The following GRIK4 variants were observed in gnomAD, a reference collection of about 807,000 sequenced individuals.
GRIK4 encodes glutamate receptor ionotropic, kainate 4.
A neutral mutation model predicts 104.9 loss-of-function variants in GRIK4; 40 were observed. That is an observed-to-expected ratio of 0.38 (90% CI 0.30 to 0.50). The LOEUF (loss-of-function observed/expected upper bound fraction) is 0.50. GRIK4 is among the 20% of genes least tolerant of loss of function. GRIK4 has a pLI of 0.93. For missense variants in GRIK4, 1,047 were observed against 1,308.1 expected, an observed-to-expected ratio of 0.80 and a Z score of 3.08; for synonymous variants, 485 against 524.9, an observed-to-expected ratio of 0.92 and a Z score of 1.04.
intron 1 of GRIK4, among the ~76,000 whole-genome samples, chr11:120,566,698 T>G (rs558289976): frequency 6.7e-6 from 1 of 149,626 alleles, no homozygotes; most frequent in African/African-American, 2.4e-5. Context: ...TTCTTGTTTA[T>G]ACCCTCAGTT....
chr11:120,769,834 G>A (rs965803681), intron 3 of GRIK4, among the ~76,000 whole-genome samples: 1 of 152,182 alleles, frequency 6.6e-6, no homozygotes, highest in Non-Finnish European at 1.5e-5. Flanking sequence ...CTGGGACTGT[G>A]GACAGTGAGG....
intron 13 of GRIK4, among the ~76,000 whole-genome samples, chr11:120,928,990 C>T (rs1158889179): frequency 6.9e-5 from 8 of 116,074 alleles, no homozygotes; most frequent in African/African-American, 2.2e-4. Context: ...TGTGTGTGTG[C>T]GCGCGTGCAC....
chr11:120,874,143 C>A lies in GRIK4; in HGVS notation c.984C>A (p.Ile328=). The part of the protein sequence containing the change: ...AVQELNRSQE[I]GVKPLSCGSA... ...AGGAACTGAACCGGAGCCAAGAGAT[C>A]GGCGTGAAGCCCTTGTCCTGCGGCT... The change falls in exon 10 of 21, where the codon ATC becomes ATA. Residue 328 remains isoleucine (I), a synonymous_variant. Transcript: ENST00000527524. 6.2e-7 allele frequency: 1 copy of A among 1,613,862 alleles called. No homozygotes were observed. The highest frequency in any genetic ancestry group is 8.5e-7 in the Non-Finnish European group (1 of 1,179,896).
intron 1 of GRIK4, among the ~76,000 whole-genome samples, chr11:120,634,234 ACT>A (rs1243787563): frequency 6.6e-6 from 1 of 151,914 alleles, no homozygotes; most frequent in Non-Finnish European, 1.5e-5. Flanking sequence ...TTCCTGACGC[ACT>A]CTCTCTGTCA....
chr11:120,630,504 T>A (rs923237452), intron 1 of GRIK4, among the ~76,000 whole-genome samples: 1 of 152,220 alleles, frequency 6.6e-6, no homozygotes, highest in African/African-American at 2.4e-5. Context: ...CTCCAGCCTT[T>A]CCTGCTCTGC....
chr11:120,882,224 C>A (rs1419170188), intron 11 of GRIK4, among the ~76,000 whole-genome samples: 1 of 152,066 alleles, frequency 6.6e-6, no homozygotes, highest in African/African-American at 2.4e-5. Flanking sequence ...TATTAAGGCT[C>A]AGACAGGTTG....
At chr11:120,945,660 T>A (rs761228970) in intron 14 of GRIK4, among the ~76,000 whole-genome samples, 1 of 152,228 alleles carries the variant, frequency 6.6e-6, no homozygotes, top group African/African-American at 2.4e-5. Context: ...AATTCTTTTT[T>A]ACCTTCTGGC....
intron 13 of GRIK4, among the ~76,000 whole-genome samples, chr11:120,929,003 G>A (rs1403352932): frequency 4.3e-5 from 6 of 140,948 alleles, no homozygotes; most frequent in East Asian, 2.3e-4. Context: ...GCGTGCACGC[G>A]TGTATGTGTG....
intron 3 of GRIK4, among the ~76,000 whole-genome samples, chr11:120,744,903 C>A (rs1313270967): frequency 6.6e-6 from 1 of 152,174 alleles, no homozygotes; most frequent in African/African-American, 2.4e-5. Context: ...ACTGGACCAT[C>A]AGAATCATCA....
rs1313221993 is a variant in GRIK4 at position 120,861,980 on chromosome 11, G to A, written c.766G>A (p.Asp256Asn). 1 of 1,613,784 alleles carries A rather than the reference G, an allele frequency of 6.2e-7. No homozygotes were observed. The highest frequency in any genetic ancestry group is 1.7e-5 in the Admixed American group (1 of 60,020). The change falls in exon 9 of 21, where the codon GAC (aspartate) becomes AAC (asparagine). Residue 256 changes from aspartate to asparagine, a missense_variant. Coordinates refer to ENST00000527524, the MANE Select transcript of GRIK4 (RefSeq NM_014619.5). ...CCAGGAGTTCTCACTCCAGAGAATG[G>A]ACAGCCTTGTGGATGATCGTGTCAA... Reference protein sequence around the residue: ...TNLEFSLQRMDSLVDDRVNIL... With the variant: ...TNLEFSLQRMNSLVDDRVNIL...
At chr11:120,616,615 TGA>T (rs1236163348) in intron 1 of GRIK4, among the ~76,000 whole-genome samples, 1 of 151,920 alleles carries the variant, frequency 6.6e-6, no homozygotes, top group Non-Finnish European at 1.5e-5. Flanking sequence ...TACAGAATGT[TGA>T]GAGGGGAGCA....
chr11:120,847,958 A>G (rs1040662236), intron 8 of GRIK4, among the ~76,000 whole-genome samples: 3 of 152,240 alleles, frequency 2.0e-5, no homozygotes, highest in African/African-American at 7.2e-5. Flanking sequence ...GGGCAGGAGC[A>G]GGGAGATTAG....
chr11:120,832,994 C>T (rs768840203), intron 7 of GRIK4, among the ~76,000 whole-genome samples: 8 of 152,134 alleles, frequency 5.3e-5, no homozygotes, highest in Admixed American at 4.6e-4. Context: ...CACAACCTGC[C>T]GTCTTCCACT....
At position 120,601,134 on chromosome 11, in the gene GRIK4, G is replaced by A. The variant is rs549679899; in HGVS notation, c.-158-52551G>A. 5.1e-4 allele frequency among the ~76,000 whole-genome samples: 78 copies of A among 151,952 alleles called. No individual in the cohort carries two copies. In the South Asian group the frequency reaches 0.015, roughly 30 times the overall value. Reference sequence around the variant, plus strand: ...AGAACTTGGTCCAGGGGCTGGGTGTGGTGGCTCACGTCTGTAATCCCAGCA... The same window carrying A: ...AGAACTTGGTCCAGGGGCTGGGTGTAGTGGCTCACGTCTGTAATCCCAGCA... On this transcript the variant is annotated intron_variant, in intron 1 of 20. Coordinates refer to ENST00000527524, the MANE Select transcript of GRIK4 (RefSeq NM_014619.5).
chr11:120,957,403 C>A (rs1432810785), intron 16 of GRIK4, among the ~76,000 whole-genome samples: 1 of 152,224 alleles, frequency 6.6e-6, no homozygotes, highest in Admixed American at 6.5e-5. Context: ...GTGTCTCTGC[C>A]TCTGGCTCTG....
chr11:120,618,779 G>T (rs959934410), intron 1 of GRIK4, among the ~76,000 whole-genome samples: 17 of 152,370 alleles, frequency 1.1e-4, no homozygotes, highest in Middle Eastern at 6.8e-3. Flanking sequence ...AAGCTGGCAG[G>T]TGCACAGAGT....
rs776469709 is a variant in GRIK4, at chr11:120,524,633, G to A, written c.-159+12746G>A. ...ACTGGGGTGACTGGTAAGAGCAAAG[G>A]TGGCGTTTGGGCTGACAGCGCTAAC... On this transcript the variant is annotated intron_variant, in intron 1 of 20. Coordinates refer to ENST00000527524, the MANE Select transcript of GRIK4 (RefSeq NM_014619.5). This position sits in a 1 kb window ranked among gnomAD's most constrained non-coding sequence, Gnocchi z 4.5. Among the ~76,000 whole-genome samples the A allele has an allele frequency of 2.0e-5, 3 of 152,142 alleles. No individual in the cohort carries two copies. The highest frequency in any genetic ancestry group is 4.4e-5 in the Non-Finnish European group (3 of 68,030).
chr11:120,707,024 T>C (rs1156558885), intron 3 of GRIK4, among the ~76,000 whole-genome samples: 1 of 152,196 alleles, frequency 6.6e-6, no homozygotes, highest in Admixed American at 6.5e-5. Context: ...CTGCAGCACC[T>C]CAGAGCTCCT....
chr11:120,568,786 G>T (rs987820818), intron 1 of GRIK4, among the ~76,000 whole-genome samples: 29 of 152,118 alleles, frequency 1.9e-4, no homozygotes, highest in Non-Finnish European at 3.8e-4. Context: ...CCTCAGAGAG[G>T]TTTGCTCCCC....
Sources: gnomAD v4.1 joint callset for allele counts (sites outside exome capture counted in the v4.1 genomes callset) on GRCh38, gnomAD v4.1.1 for gene constraint, Gnocchi (gnomAD v3.1) non-coding constraint, MANE v1.5 for transcripts, NCBI Gene and HGNC (gene_info 2026-07-23, HGNC 2026-07-21) for gene names.